The following PIKFYVE variants were observed in gnomAD, a reference collection of about 807,000 sequenced individuals.
PIKFYVE encodes phosphoinositide kinase, FYVE-type zinc finger containing.
A neutral mutation model predicts 257.9 loss-of-function variants in PIKFYVE; 122 were observed. The observed-to-expected ratio is 0.47, with a 90% confidence interval of 0.41 to 0.55. PIKFYVE has a LOEUF of 0.55. Among genes scored for constraint, PIKFYVE ranks in the 20% least tolerant of loss-of-function variants. The pLI is 0.00. For synonymous variants in PIKFYVE, 892 were observed against 868.9 expected (o/e 1.03, Z -0.47); for missense variants, 2,160 against 2,536.6 (o/e 0.85, Z 3.19).
At chr2:208,354,883 C>G (rs1196834545) in intron 41 of PIKFYVE, among the ~76,000 whole-genome samples, 2 of 152,180 alleles carry the variant, frequency 1.3e-5, no homozygotes, top group Admixed American at 6.5e-5. Flanking sequence ...GCCAGATGTT[C>G]TGAATAAGAG....
chr2:208,272,222 G>A (rs1275959840), intron 2 of PIKFYVE, among the ~76,000 whole-genome samples: 5 of 150,886 alleles, frequency 3.3e-5, no homozygotes, highest in African/African-American at 4.9e-5. Context: ...GTGACAGAGC[G>A]TGACTCCATC....
At chr2:208,324,102 C>T (rs761488134) in intron 17 of PIKFYVE, 40 bp from the exon 18 acceptor site, 1 of 1,599,986 alleles carries the variant, frequency 6.3e-7, no homozygotes, top group Admixed American at 1.7e-5. Flanking sequence ...CCAGATACTG[C>T]ATTTTACCAG....
intron 1 of PIKFYVE, chr2:208,269,469 T>C: frequency 3.9e-6 from 1 of 254,038 alleles, no homozygotes; most frequent in South Asian, 5.1e-5. Context: ...TGAGCTCTGC[T>C]CCCGTGACTT....
intron 14 of PIKFYVE, 69 bp from the exon 15 acceptor site, chr2:208,315,124 T>C: frequency 7.2e-7 from 1 of 1,390,086 alleles, no homozygotes; most frequent in Non-Finnish European, 1.0e-6. Flanking sequence ...GGCTGTTTGT[T>C]TTATCATCAG....
intron 29 of PIKFYVE, among the ~76,000 whole-genome samples, chr2:208,339,058 T>C (rs116755331): frequency 0.018 from 2,715 of 152,306 alleles, 89 homozygotes; most frequent in African/African-American, 0.061. Context: ...ATAATTGCTT[T>C]TTCTCTCCCA....
intron 15 of PIKFYVE, 117 bp from the exon 16 acceptor site, chr2:208,317,747 TTTG>T: frequency 1.1e-6 from 1 of 911,628 alleles, no homozygotes. Context: ...CCTGAAATTT[TTTG>T]TTCTTATTTG....
In PIKFYVE at chr2:208,354,061, A is replaced by G; in HGVS notation, c.6008A>G (p.His2003Arg). The change falls in exon 40 of 42, where the codon CAT becomes CGT. Residue 2003 changes from histidine to arginine, a missense_variant. By Grantham distance (29) the His-to-Arg change is conservative. Around this residue, in one of 12 missense-constraint regions of PIKFYVE, gnomAD observed 699 missense variants for 855.8 expected, o/e 0.82. Transcript: ENST00000264380. Reference sequence around the variant, plus strand: ...AAAGCTGTGCTGAGAACCTCGATCCATAGTGACTCCCATTTCCTTTCTAGC... The same window carrying G: ...AAAGCTGTGCTGAGAACCTCGATCCGTAGTGACTCCCATTTCCTTTCTAGC... ...HSKAVLRTSI[H>R]SDSHFLSSHL... is the part of the protein sequence containing the mutation. The G allele has an allele frequency of 6.2e-7, 1 of 1,614,116 alleles. No homozygotes were observed. Among genetic ancestry groups the G allele is most frequent in the Non-Finnish European group, 8.5e-7 (1 of 1,179,954 alleles).
rs548737622 is a variant in PIKFYVE at position 208,340,966 on chromosome 2, G to T, written c.4931+835G>T. 4.6e-5 allele frequency among the ~76,000 whole-genome samples: 7 copies of T among 151,220 alleles called. No homozygotes were observed. The East Asian group carries it at 9.7e-4, about 21-fold the overall frequency. On this transcript the variant is annotated intron_variant, in intron 31 of 41. Transcript: ENST00000264380. ...TTGATTGGGCTTGGATCCCTCTTAT[G>T]TTATGGTCTTTGTTCATGCTCTCAC...
In PIKFYVE at chr2:208,320,240, C is replaced by T; in HGVS notation, c.2083-12C>T. On this transcript the variant is annotated splice_polypyrimidine_tract_variant and intron_variant, in intron 16 of 41. Transcript: ENST00000264380. ...CCTTTAAACACTTTAACAAACTGTT[C>T]ATTTTTTGTAGATGAGTTCTTGTAT... The T allele has an allele frequency of 6.2e-7, 1 of 1,609,356 alleles. No homozygotes were observed. The highest frequency in any genetic ancestry group is 8.5e-7 in the Non-Finnish European group (1 of 1,177,306).
intron 15 of PIKFYVE, among the ~76,000 whole-genome samples, chr2:208,317,088 C>T (rs1695614481): frequency 6.8e-6 from 1 of 147,988 alleles, no homozygotes; most frequent in Non-Finnish European, 1.5e-5. Flanking sequence ...GACTTCATGT[C>T]TAAAACACCA....
chr2:208,323,937 G>A (rs1159712304), intron 17 of PIKFYVE, among the ~76,000 whole-genome samples: 5 of 133,912 alleles, frequency 3.7e-5, no homozygotes, highest in Admixed American at 2.4e-4. Context: ...CATGTGCTTC[G>A]CCCACTTTTT....
intron 12 of PIKFYVE, chr2:208,305,291 G>T: frequency 7.7e-7 from 1 of 1,300,462 alleles, no homozygotes; most frequent in Non-Finnish European, 9.8e-7. Flanking sequence ...CCCATAATGT[G>T]CAACTTCCAA....
chr2:208,349,271 C>T (rs1699536676), intron 35 of PIKFYVE, among the ~76,000 whole-genome samples: 1 of 152,034 alleles, frequency 6.6e-6, no homozygotes, highest in Non-Finnish European at 1.5e-5. Flanking sequence ...ATAATGGGAT[C>T]CTTGGAAGGC....
intron 2 of PIKFYVE, among the ~76,000 whole-genome samples, chr2:208,273,014 A>G (rs1453747563): frequency 2.0e-5 from 3 of 152,210 alleles, no homozygotes; most frequent in Non-Finnish European, 4.4e-5. Flanking sequence ...TTTATATTCT[A>G]GGATCCCATT....
At chr2:208,348,089 T>A in intron 35 of PIKFYVE, 66 bp downstream of exon 35, 1 of 1,557,944 alleles carries the variant, frequency 6.4e-7, no homozygotes, top group Non-Finnish European at 8.9e-7. Flanking sequence ...TTGCATATAT[T>A]TCTTATAGCC....
At chr2:208,328,481 A>C (rs535982796) in intron 21 of PIKFYVE, among the ~76,000 whole-genome samples, 77 of 152,360 alleles carry the variant, frequency 5.1e-4, no homozygotes, top group African/African-American at 1.8e-3. Context: ...AGTAAATGAG[A>C]GTATATTAAG....
At chr2:208,278,494 G>T (rs183214030) in intron 5 of PIKFYVE, among the ~76,000 whole-genome samples, 2 of 151,872 alleles carry the variant, frequency 1.3e-5, no homozygotes, top group East Asian at 3.9e-4. Context: ...GCATATGACT[G>T]ATCCTGTCAC....
At chr2:208,286,731 G>A (rs1275420797) in intron 6 of PIKFYVE, among the ~76,000 whole-genome samples, 1 of 151,516 alleles carries the variant, frequency 6.6e-6, no homozygotes, top group Non-Finnish European at 1.5e-5. Context: ...ATGTTGACCA[G>A]GCTGTCTTGA....
At chr2:208,292,290 A>G (rs1364259631) in intron 7 of PIKFYVE, among the ~76,000 whole-genome samples, 2 of 152,124 alleles carry the variant, frequency 1.3e-5, no homozygotes, top group Non-Finnish European at 2.9e-5. Context: ...TAAACAGTCT[A>G]TAAGATATTC....
Sources: allele counts gnomAD v4.1 joint callset (sites outside exome capture counted in the v4.1 genomes callset), GRCh38; gene constraint gnomAD v4.1.1; regional missense constraint gnomAD v4.1.1; transcripts MANE v1.5; gene names NCBI Gene and HGNC (gene_info 2026-07-23, HGNC 2026-07-21).